The following CNTNAP2 variants were observed in gnomAD, a reference collection of about 807,000 sequenced individuals.
CNTNAP2 encodes the protein contactin-associated protein-like 2.
CNTNAP2 carries 98 observed loss-of-function variants against 155.2 expected under a neutral mutation model. The observed-to-expected ratio is 0.63, with a 90% confidence interval of 0.54 to 0.75. The LOEUF (loss-of-function observed/expected upper bound fraction) is 0.75, where lower values mean the gene tolerates loss of function less well. CNTNAP2 is among the 30% of genes least tolerant of loss of function. The pLI, the probability that CNTNAP2 is intolerant of heterozygous loss-of-function variation, is 0.00. For synonymous variants in CNTNAP2, 651 were observed against 631.2 expected (o/e 1.03, Z -0.47); for missense variants, 1,727 against 1,688.1 (o/e 1.02, Z -0.40).
rs77681279 is a variant in CNTNAP2, at chr7:148,411,679, A to G, written c.3796+2208A>G. Reference sequence around the variant, plus strand: ...AAGTTGTATCACTTTATCATTTGCCATCAGGTCTTTAATCACTTCGAGTTA... The same window carrying G: ...AAGTTGTATCACTTTATCATTTGCCGTCAGGTCTTTAATCACTTCGAGTTA... On this transcript the variant is annotated intron_variant, in intron 23 of 23. Transcript: ENST00000361727. 8.8e-3 allele frequency among the ~76,000 whole-genome samples: 1,338 copies of G among 152,148 alleles called. 15 individuals are homozygous for G. Among genetic ancestry groups the G allele is most frequent in the Middle Eastern group, 0.024 (7 of 292 alleles).
intron 1 of CNTNAP2, among the ~76,000 whole-genome samples, chr7:146,304,223 A>G (rs1053854867): frequency 6.6e-6 from 1 of 150,844 alleles, no homozygotes; most frequent in African/African-American, 2.4e-5. Context: ...CTCTTTATCC[A>G]GTTTTCCAGT....
chr7:147,702,873 A>G (rs1426498694), intron 13 of CNTNAP2, among the ~76,000 whole-genome samples: 1 of 152,070 alleles, frequency 6.6e-6, no homozygotes, highest in Non-Finnish European at 1.5e-5. Flanking sequence ...TTCATTTTGT[A>G]CTGGGCTTTG....
intron 1 of CNTNAP2, among the ~76,000 whole-genome samples, chr7:146,140,370 A>G (rs1456112614): frequency 3.3e-5 from 5 of 152,074 alleles, no homozygotes; most frequent in Non-Finnish European, 7.3e-5. Flanking sequence ...ATCCTCTGCC[A>G]TGCTCCCTCA....
Position 148,301,306 on chromosome 7 carries a change from A to AATAT in CNTNAP2, c.3475+34194_3475+34197dup, listed in dbSNP as rs1554414673. Reference sequence around the variant, plus strand: ...GAGACTCCGTCTAAAAAAAAAAAAAAATATATATATATATATAGGTTAAAA... The same window carrying AATAT: ...GAGACTCCGTCTAAAAAAAAAAAAAAATATATATATATATATATATAGGTTAAAA... On this transcript the variant is annotated intron_variant, in intron 21 of 23. Transcript: ENST00000361727. 4.8e-3 allele frequency among the ~76,000 whole-genome samples: 500 copies of AATAT among 103,678 alleles called. 11 individuals are homozygous for AATAT. The highest frequency in any genetic ancestry group is 0.012 in the Admixed American group (114 of 9,776). The allele number at this position is 103,678 out of a possible 152,430, so 68.0% of individuals were successfully genotyped here. A position where few individuals can be genotyped will look rare whatever the true frequency, so the allele number is the denominator to read the frequency against.
intron 13 of CNTNAP2, among the ~76,000 whole-genome samples, chr7:147,687,087 T>A (rs1283369166): frequency 6.6e-6 from 1 of 152,084 alleles, no homozygotes; most frequent in Non-Finnish European, 1.5e-5. Context: ...TGATTTGACC[T>A]TTAGAGATTA....
chr7:148,364,397 G>A (rs544308761), intron 21 of CNTNAP2, among the ~76,000 whole-genome samples: 1 of 152,292 alleles, frequency 6.6e-6, no homozygotes, highest in South Asian at 2.1e-4. Context: ...TTTAGCTCAA[G>A]GTTTGTGAGT....
intron 21 of CNTNAP2, 111 bp downstream of exon 21, chr7:148,267,237 A>T (rs1796689682): frequency 1.1e-6 from 1 of 915,378 alleles, no homozygotes; most frequent in Non-Finnish European, 1.8e-6. Context: ...CCAGTCACGA[A>T]TATCTTCTCT....
Position 148,417,810 on chromosome 7 carries a change from T to G in CNTNAP2, c.*2194T>G, listed in dbSNP as rs1800028546. On this transcript the variant is annotated 3_prime_UTR_variant, in exon 24 of 24. Coordinates refer to ENST00000361727, the MANE Select transcript of CNTNAP2 (RefSeq NM_014141.6). ...TTCTTTATGCATTGTCTCAACACTT[T>G]CCCTTTTTTCCCAAAATGAGTAGAG... The G allele has an allele frequency of 6.6e-6, 1 of 152,242 alleles. No homozygotes were observed. The allele number at this position is 152,242 out of a possible 1,614,324, so 9.4% of individuals were successfully genotyped here. A position where few individuals can be genotyped will look rare whatever the true frequency, so the allele number is the denominator to read the frequency against.
chr7:146,946,072 CCCTT>C (rs10625736), intron 3 of CNTNAP2, among the ~76,000 whole-genome samples: 7,062 of 149,932 alleles, frequency 0.047, 181 homozygotes, highest in South Asian at 0.084. Flanking sequence ...TTCCTTCCTT[CCCTT>C]CCTTCCTTCC....
intron 1 of CNTNAP2, among the ~76,000 whole-genome samples, chr7:146,422,491 C>T (rs1280745265): frequency 1.3e-5 from 2 of 151,568 alleles, no homozygotes; most frequent in South Asian, 4.2e-4. Flanking sequence ...TCTGGAAGAC[C>T]ACTTTTTTTT....
intron 1 of CNTNAP2, among the ~76,000 whole-genome samples, chr7:146,707,127 C>T (rs940748653): frequency 6.6e-6 from 1 of 152,174 alleles, no homozygotes; most frequent in Admixed American, 6.6e-5. Flanking sequence ...AGAGGCAACA[C>T]TTTTCATGAC....
chr7:147,719,040 A>G (rs770859623), intron 13 of CNTNAP2, among the ~76,000 whole-genome samples: 6 of 152,166 alleles, frequency 3.9e-5, no homozygotes, highest in East Asian at 1.9e-4. Context: ...GGGCATAAAG[A>G]GATGCTAATA....
intron 8 of CNTNAP2, among the ~76,000 whole-genome samples, chr7:147,196,285 G>A (rs143263727): frequency 7.7e-4 from 118 of 152,302 alleles, no homozygotes; most frequent in African/African-American, 2.6e-3. Flanking sequence ...TATTTTCATT[G>A]ATGGCTACCA....
chr7:146,721,290 ATATTCTATATATG>A (rs1468778154), intron 1 of CNTNAP2, among the ~76,000 whole-genome samples: 2 of 128,432 alleles, frequency 1.6e-5, no homozygotes, highest in Admixed American at 8.3e-5. Flanking sequence ...TATTCTATAT[ATATTCTATATATG>A]TATTCTATAT....
At chr7:146,938,544 C>T (rs1233563944) in intron 3 of CNTNAP2, among the ~76,000 whole-genome samples, 1 of 151,638 alleles carries the variant, frequency 6.6e-6, no homozygotes, top group African/African-American at 2.4e-5. Context: ...AAACAAATCC[C>T]TCCACTCCAC....
At chr7:146,743,474 C>T (rs1219888126) in intron 1 of CNTNAP2, among the ~76,000 whole-genome samples, 1 of 152,100 alleles carries the variant, frequency 6.6e-6, no homozygotes, top group Non-Finnish European at 1.5e-5. Flanking sequence ...TATGGATGTA[C>T]ATCATTTGTG....
intron 14 of CNTNAP2, among the ~76,000 whole-genome samples, chr7:147,971,791 T>C (rs1199193540): frequency 6.6e-6 from 1 of 152,244 alleles, no homozygotes; most frequent in Non-Finnish European, 1.5e-5. Flanking sequence ...TATGCTTTCA[T>C]GTCTCTTGTA....
rs994109685 is a variant in CNTNAP2 at position 147,992,722 on chromosome 7, A to G, written c.2383+14733A>G. Among the ~76,000 whole-genome samples, 68 of 152,320 alleles carry G rather than the reference A, an allele frequency of 4.5e-4. 1 individual carries two copies. Among genetic ancestry groups the G allele is most frequent in the African/African-American group, 1.5e-3 (64 of 41,578 alleles). ...ACACTGTCTAAGGGTGAATAGAACAACTAGACTTGTAGAGGATTGCTTAAT... is the reference window on the plus strand; with the variant it reads ...ACACTGTCTAAGGGTGAATAGAACAGCTAGACTTGTAGAGGATTGCTTAAT... On this transcript the variant is annotated intron_variant, in intron 15 of 23. Transcript: ENST00000361727.
chr7:146,775,705 T>TGTATCAGAAAAGAAAGGC (rs1350169699), intron 2 of CNTNAP2, among the ~76,000 whole-genome samples: 1 of 151,332 alleles, frequency 6.6e-6, no homozygotes, highest in Non-Finnish European at 1.5e-5. Context: ...GAAAAAATAT[T>TGTATCAGAAAAGAAAGGC]GTATCAGAAA....
Sources: gnomAD v4.1 joint callset for allele counts (sites outside exome capture counted in the v4.1 genomes callset) on GRCh38, gnomAD v4.1.1 for gene constraint, MANE v1.5 for transcripts, NCBI Gene and HGNC (gene_info 2026-07-23, HGNC 2026-07-21) for gene names.